ELOC: variants seen among roughly 807,000 people sequenced by gnomAD.
The protein encoded by ELOC is elongin C.
For synonymous variants in ELOC, 40 were observed against 51.3 expected, an observed-to-expected ratio of 0.78 and a Z score of 0.94; for missense variants, 38 against 139.0, an observed-to-expected ratio of 0.27 and a Z score of 3.65.
At chr8:73,956,213 C>T (rs1013781779) in intron 2 of ELOC, among the ~76,000 whole-genome samples, 159 bp from the exon 3 acceptor site, 2 of 151,988 alleles carry the variant, frequency 1.3e-5, no homozygotes, top group African/African-American at 2.4e-5. Flanking sequence ...CAAACAAGCC[C>T]GTCTCTACTA....
intron 1 of ELOC, among the ~76,000 whole-genome samples, chr8:73,961,959 G>A (rs1814635958): frequency 6.6e-6 from 1 of 152,080 alleles, no homozygotes; most frequent in Admixed American, 6.6e-5. Flanking sequence ...GCAGTGGCGT[G>A]ATCTTGGCTC....
intron 1 of ELOC, 138 bp from the exon 2 acceptor site, chr8:73,959,956 A>G: frequency 7.1e-6 from 3 of 421,372 alleles, no homozygotes; most frequent in Non-Finnish European, 1.3e-5. Context: ...TTCCTACAAC[A>G]AAAACACTGT....
At chr8:73,964,360 G>C (rs1405845124) in intron 1 of ELOC, 1 of 151,944 alleles carries the variant, frequency 6.6e-6, no homozygotes, top group Non-Finnish European at 1.5e-5. Flanking sequence ...AAGGAAGCTG[G>C]AACAATATCC....
At chr8:73,951,763 C>A (rs948965711) in intron 3 of ELOC, among the ~76,000 whole-genome samples, 3 of 152,110 alleles carry the variant, frequency 2.0e-5, no homozygotes, top group Admixed American at 6.6e-5. Context: ...AAGTTGGAGG[C>A]CTCATACTTT....
At chr8:73,953,511 C>T (rs201481882) in intron 3 of ELOC, among the ~76,000 whole-genome samples, 6 of 151,352 alleles carry the variant, frequency 4.0e-5, no homozygotes, top group African/African-American at 1.2e-4. Context: ...ACCCCGTCTC[C>T]ACTAAAATAC....
At chr8:73,971,540 A>G (rs1313893874) in intron 1 of ELOC, among the ~76,000 whole-genome samples, 1 of 152,164 alleles carries the variant, frequency 6.6e-6, no homozygotes, top group East Asian at 1.9e-4. Context: ...CAATGGGCAC[A>G]GTATTTCACA....
At chr8:73,960,437 T>C (rs1286836268) in intron 1 of ELOC, among the ~76,000 whole-genome samples, 1 of 152,198 alleles carries the variant, frequency 6.6e-6, no homozygotes, top group East Asian at 1.9e-4. Flanking sequence ...ATAATGGGCC[T>C]TTGGATAGTT....
intron 1 of ELOC, among the ~76,000 whole-genome samples, chr8:73,967,465 TTTC>T (rs1223765566): frequency 2.2e-5 from 3 of 137,722 alleles, no homozygotes; most frequent in Non-Finnish European, 3.2e-5. Context: ...ATAATTTTCT[TTTC>T]TTTTTTTTTT....
chr8:73,964,775 G>A (rs1426324537), intron 1 of ELOC: 1 of 152,194 alleles, frequency 6.6e-6, no homozygotes, highest in Non-Finnish European at 1.5e-5. Flanking sequence ...TATAATCTCA[G>A]CACTTTGGGA....
At chr8:73,966,118 A>G (rs1184930701) in intron 1 of ELOC, among the ~76,000 whole-genome samples, 1 of 152,190 alleles carries the variant, frequency 6.6e-6, no homozygotes, top group Non-Finnish European at 1.5e-5. Flanking sequence ...TTCAATAAAT[A>G]TTTACCAAGG....
At chr8:73,971,027 C>T (rs1179152352) in intron 1 of ELOC, among the ~76,000 whole-genome samples, 5 of 62,802 alleles carry the variant, frequency 8.0e-5, no homozygotes, top group Non-Finnish European at 1.4e-4. Context: ...AGCGAGACTC[C>T]GTCTCAAAAA....
chr8:73,971,669 G>A (rs1473989840), intron 1 of ELOC, among the ~76,000 whole-genome samples: 1 of 152,112 alleles, frequency 6.6e-6, no homozygotes, highest in Non-Finnish European at 1.5e-5. Flanking sequence ...CTCGGGTACT[G>A]CAGCTAGAAG....
At chr8:73,964,246 CAAAAAAA>C (rs560289242) in intron 1 of ELOC, among the ~76,000 whole-genome samples, 12 of 82,012 alleles carry the variant, frequency 1.5e-4, no homozygotes, top group African/African-American at 3.5e-4. Flanking sequence ...TATAAATGGC[CAAAAAAA>C]AAAAAAAAAA....
chr8:73,956,277 C>T (rs772544615), intron 2 of ELOC, among the ~76,000 whole-genome samples: 11 of 151,864 alleles, frequency 7.2e-5, no homozygotes, highest in African/African-American at 2.4e-4. Context: ...CTCAGCTACT[C>T]GGGAGGCTGA....
At chr8:73,960,402 G>A (rs1368041334) in intron 1 of ELOC, among the ~76,000 whole-genome samples, 1 of 152,122 alleles carries the variant, frequency 6.6e-6, no homozygotes, top group African/African-American at 2.4e-5. Context: ...ATGGGTCCTG[G>A]TAGTTTATGT....
intron 1 of ELOC, among the ~76,000 whole-genome samples, chr8:73,970,980 G>C (rs1196226477): frequency 7.5e-6 from 1 of 133,536 alleles, no homozygotes; most frequent in Non-Finnish European, 1.5e-5. Flanking sequence ...GTTGCAGTGA[G>C]CCGAGATCAA....
Position 73,946,458 on chromosome 8 carries a change from A to G in ELOC, c.*172T>C. 2.1e-6 allele frequency: 1 copy of G among 487,328 alleles called. No individual in the cohort carries two copies. Among genetic ancestry groups the G allele is most frequent in the Non-Finnish European group, 3.5e-6 (1 of 284,118 alleles). The allele number at this position is 487,328 out of a possible 1,614,324, so 30.2% of individuals were successfully genotyped here. ...AATGTCCTTAATTTGTTGATGTAGC[A>G]AACAAATTTCAACTTTGATTGCTAT... On this transcript the variant is annotated 3_prime_UTR_variant, in exon 4 of 4. Coordinates refer to ENST00000520242, the MANE Select transcript of ELOC (RefSeq NM_005648.4).
intron 2 of ELOC, among the ~76,000 whole-genome samples, chr8:73,958,092 GTTT>G (rs34797762): frequency 3.7e-5 from 5 of 134,092 alleles, no homozygotes; most frequent in Admixed American, 7.7e-5. Context: ...TTTATTTATG[GTTT>G]TTTTTTTTTT....
intron 3 of ELOC, among the ~76,000 whole-genome samples, chr8:73,954,581 G>A (rs1175827381): frequency 6.6e-6 from 1 of 151,664 alleles, no homozygotes; most frequent in East Asian, 1.9e-4. Context: ...GAACCCGGGA[G>A]GCGAAGGTTG....
Sources: gnomAD v4.1 joint callset for allele counts (sites outside exome capture counted in the v4.1 genomes callset) on GRCh38, gnomAD v4.1.1 for gene constraint, MANE v1.5 for transcripts, NCBI Gene and HGNC (gene_info 2026-07-23, HGNC 2026-07-21) for gene names.